The following PDZD2 variants were observed in gnomAD, a reference collection of about 807,000 sequenced individuals.
PDZD2 encodes PDZ domain containing 2.
PDZD2 carries 90 observed loss-of-function variants against 220.7 expected under a neutral mutation model. The observed-to-expected ratio is 0.41, with a 90% CI of 0.34 to 0.49. PDZD2 has a LOEUF of 0.49. PDZD2 is among the 20% of genes least tolerant of loss of function. PDZD2 has a pLI of 0.28. For missense variants in PDZD2, 3,174 were observed against 3,608.5 expected, an observed-to-expected ratio of 0.88 and a Z score of 3.08; for synonymous variants, 1,375 against 1,450.5, an observed-to-expected ratio of 0.95 and a Z score of 1.18.
In PDZD2 at chr5:31,858,362, T is replaced by C. The variant is rs555798694; in HGVS notation, c.476+58638T>C. Among the ~76,000 whole-genome samples, 22 of 152,346 alleles carry C rather than the reference T, an allele frequency of 1.4e-4. 1 individual carries two copies. In the South Asian group the frequency reaches 3.9e-3, roughly 27 times the overall value. ...GCATGGATTGACTCTCGAATTTTCTTACTTAAACCTCCTTTGCAAAAATTA... is the reference window on the plus strand; with the variant it reads ...GCATGGATTGACTCTCGAATTTTCTCACTTAAACCTCCTTTGCAAAAATTA... On this transcript the variant is annotated intron_variant, in intron 2 of 24. Coordinates refer to ENST00000438447, the MANE Select transcript of PDZD2 (RefSeq NM_178140.4).
chr5:31,765,901 G>GT (rs1751970664), intron 1 of PDZD2, among the ~76,000 whole-genome samples: 1 of 152,192 alleles, frequency 6.6e-6, no homozygotes, highest in South Asian at 2.1e-4. Flanking sequence ...ACCAGGCGTG[G>GT]TGGCTCATGC....
rs766349870 is a variant in PDZD2, at chr5:32,074,420, G to C, written c.3314G>C (p.Ser1105Thr). Residue 1105 changes from serine (S) to threonine (T), a missense_variant, in exon 18 of 25, where the codon AGT becomes ACT. Around this residue, in one of 4 missense-constraint regions of PDZD2, gnomAD observed 1,861 missense variants for 2,001.0 expected, o/e 0.93. Transcript: ENST00000438447. ...TQSPTNTGSP[S>T]SPQQKSEGLG... is the part of the protein sequence containing the mutation. ...AGTCCGACGAACACTGGGAGCCCCA[G>C]TTCCCCCCAGCAGAAAAGTGAAGGC... 1.9e-6 allele frequency: 3 copies of C among 1,614,202 alleles called. No individual in the cohort carries two copies. Among genetic ancestry groups the C allele is most frequent in the South Asian group, 1.1e-5 (1 of 91,090 alleles).
chr5:31,688,234 C>T (rs1580566411), intron 1 of PDZD2, among the ~76,000 whole-genome samples: 1 of 82,680 alleles, frequency 1.2e-5, no homozygotes, highest in Non-Finnish European at 2.5e-5. Flanking sequence ...TGTCAGATGT[C>T]TTACAAAAGA....
At chr5:32,016,200 C>A (rs1753769339) in intron 6 of PDZD2, among the ~76,000 whole-genome samples, 1 of 152,082 alleles carries the variant, frequency 6.6e-6, no homozygotes, top group Admixed American at 6.6e-5. Context: ...AGAAATGAGG[C>A]CTGTGGAAAG....
At chr5:31,706,285 G>A (rs1431028428) in intron 1 of PDZD2, among the ~76,000 whole-genome samples, 2 of 152,184 alleles carry the variant, frequency 1.3e-5, no homozygotes, top group African/African-American at 2.4e-5. Flanking sequence ...AAAGCACATG[G>A]AGTAATAGGT....
At chr5:32,047,369 G>A (rs1275840133) in intron 7 of PDZD2, among the ~76,000 whole-genome samples, 1 of 152,168 alleles carries the variant, frequency 6.6e-6, no homozygotes, top group African/African-American at 2.4e-5. Flanking sequence ...ACAGATGCTT[G>A]TAGTGTAGCC....
chr5:31,887,627 C>T (rs539084401), intron 2 of PDZD2, among the ~76,000 whole-genome samples: 10 of 152,150 alleles, frequency 6.6e-5, no homozygotes, highest in South Asian at 2.1e-4. Flanking sequence ...ATCAATTGTC[C>T]GTTGTTCTGT....
At position 32,000,683 on chromosome 5, in the gene PDZD2, T is replaced by C. The variant is rs1183476280; in HGVS notation, c.1254+412T>C. ...ATGCCATCACACCCGGCTAATTTTG[T>C]ATTTTTTATAGAGATGGGGTTTCTC... On this transcript the variant is annotated intron_variant, in intron 5 of 24. Transcript: ENST00000438447. This position sits in a 1 kb window ranked among gnomAD's most constrained non-coding sequence, Gnocchi z 4.5. 1.3e-5 allele frequency among the ~76,000 whole-genome samples: 2 copies of C among 152,152 alleles called. No homozygotes were observed. The highest frequency in any genetic ancestry group is 1.9e-4 in the East Asian group (1 of 5,176).
chr5:31,653,187 G>C (rs1172299066), intron 1 of PDZD2, among the ~76,000 whole-genome samples: 2 of 152,114 alleles, frequency 1.3e-5, no homozygotes, highest in Admixed American at 6.5e-5. Flanking sequence ...CTGTGAGTTT[G>C]GTTGAGGATG....
intron 2 of PDZD2, among the ~76,000 whole-genome samples, chr5:31,975,792 A>AAT (rs1561237947): frequency 1.6e-5 from 1 of 61,406 alleles, no homozygotes; most frequent in African/African-American, 6.4e-5. Context: ...GGTATCAGTC[A>AAT]CTTTTTTTTT....
chr5:31,926,021 C>A (rs1208176387), intron 2 of PDZD2, among the ~76,000 whole-genome samples: 1 of 151,986 alleles, frequency 6.6e-6, no homozygotes, highest in Non-Finnish European at 1.5e-5. Flanking sequence ...GAGTTCAAGA[C>A]CAGCCTAGGA....
At chr5:32,033,677 TG>T (rs967801533) in intron 6 of PDZD2, among the ~76,000 whole-genome samples, 9 of 151,928 alleles carry the variant, frequency 5.9e-5, no homozygotes, top group Non-Finnish European at 1.2e-4. Flanking sequence ...TGGAATGCAG[TG>T]GCGCGATCTC....
chr5:32,078,693 A>G (rs1014490373), intron 19 of PDZD2, among the ~76,000 whole-genome samples: 2 of 150,348 alleles, frequency 1.3e-5, no homozygotes, highest in Admixed American at 1.3e-4. Flanking sequence ...ATGTGGCTAT[A>G]CTTTGGAGGC....
Position 32,059,376 on chromosome 5 carries a change from G to C in PDZD2, c.2318+20G>C, listed in dbSNP as rs758795258. On this transcript the variant is annotated intron_variant, in intron 13 of 24. Coordinates refer to ENST00000438447, the MANE Select transcript of PDZD2 (RefSeq NM_178140.4). ...CCTGAGGTTTGTTGTTTGCCTGATA[G>C]TGTAAGGTTCTGGAGTGTTCATAAA... is the stretch of plus-strand genomic sequence containing the variant. 2.2e-5 allele frequency: 28 copies of C among 1,257,062 alleles called. 1 individual carries two copies. The Middle Eastern group carries it at 3.7e-3, about 166-fold the overall frequency. 77.9% of individuals were successfully genotyped at this position (1,257,062 alleles called of 1,614,324 possible).
At chr5:31,863,063 T>C (rs1206969307) in intron 2 of PDZD2, among the ~76,000 whole-genome samples, 1 of 152,194 alleles carries the variant, frequency 6.6e-6, no homozygotes, top group Non-Finnish European at 1.5e-5. Flanking sequence ...TTTTATTTTT[T>C]AGTAGAGACG....
At chr5:32,002,894 A>AACACACACACACC (rs56169899) in intron 5 of PDZD2, among the ~76,000 whole-genome samples, 1 of 93,664 alleles carries the variant, frequency 1.1e-5, no homozygotes, top group Admixed American at 1.3e-4. Context: ...CACACACACC[A>AACACACACACACC]ACACACACCC....
At chr5:31,702,372 A>G (rs1169389731) in intron 1 of PDZD2, among the ~76,000 whole-genome samples, 2 of 152,240 alleles carry the variant, frequency 1.3e-5, no homozygotes, top group Non-Finnish European at 2.9e-5. Context: ...TGGGTTTGAC[A>G]TAGCAGGGCT....
chr5:31,886,498 C>T (rs1443810289), intron 2 of PDZD2, among the ~76,000 whole-genome samples: 1 of 152,098 alleles, frequency 6.6e-6, no homozygotes, highest in Non-Finnish European at 1.5e-5. Flanking sequence ...TCCCTTTGCC[C>T]CTCCACCCTT....
intron 3 of PDZD2, among the ~76,000 whole-genome samples, chr5:31,988,463 T>C (rs1359501801): frequency 7.1e-6 from 1 of 140,308 alleles, no homozygotes; most frequent in Non-Finnish European, 1.5e-5. Context: ...ATCACCCTCC[T>C]GGCATGTGGA....
Sources: allele counts gnomAD v4.1 joint callset (sites outside exome capture counted in the v4.1 genomes callset), GRCh38; gene constraint gnomAD v4.1.1; regional missense constraint gnomAD v4.1.1; non-coding constraint Gnocchi (gnomAD v3.1); transcripts MANE v1.5; gene names NCBI Gene and HGNC (gene_info 2026-07-23, HGNC 2026-07-21).